Variants in ZBTB44 observed in about 807,000 individuals in gnomAD.
ZBTB44 encodes the protein zinc finger and BTB domain containing 44, also known as zinc finger and BTB domain-containing protein 44.
A neutral mutation model predicts 54.0 loss-of-function variants in ZBTB44; 15 were observed. The observed-to-expected ratio is 0.28, with a 90% CI of 0.19 to 0.43. The LOEUF (loss-of-function observed/expected upper bound fraction) is 0.43, where lower values mean the gene tolerates loss of function less well. Among genes scored for constraint, ZBTB44 ranks in the 20% least tolerant of loss-of-function variants. The probability of loss-of-function intolerance (pLI) is 1.00; values close to 1 mark genes in which losing one functional copy is unlikely to be tolerated. For synonymous variants in ZBTB44, 230 were observed against 250.1 expected (o/e 0.92, Z 0.76); for missense variants, 487 against 707.1 (o/e 0.69, Z 3.53).
chr11:130,236,336 A>G (rs1954109873), intron 5 of ZBTB44: 1 of 989,920 alleles, frequency 1.0e-6, no homozygotes, highest in Non-Finnish European at 1.3e-6. Context: ...GTTGCCTTTG[A>G]AATTTTTCTT....
rs1953854946 is a variant in ZBTB44, at chr11:130,230,946, T to A, written c.*818A>T. 6.6e-6 allele frequency: 1 copy of A among 152,132 alleles called. No individual in the cohort carries two copies. Among genetic ancestry groups the A allele is most frequent in the African/African-American group, 2.4e-5 (1 of 41,460 alleles). 9.4% of individuals were successfully genotyped at this position (152,132 alleles called of 1,614,324 possible). On this transcript the variant is annotated 3_prime_UTR_variant, in exon 8 of 8. Transcript: ENST00000357899. ...GAAAATAAAAGCTTGTACAAAATGC[T>A]TGGTTTTAAAAAGGCAATTTATTCT... is the stretch of plus-strand genomic sequence containing the variant.
intron 1 of ZBTB44, among the ~76,000 whole-genome samples, chr11:130,281,993 G>A (rs961117670): frequency 6.6e-6 from 1 of 152,160 alleles, no homozygotes; most frequent in East Asian, 1.9e-4. Flanking sequence ...CAAGGTTACA[G>A]TGGGCTATGA....
intron 1 of ZBTB44, among the ~76,000 whole-genome samples, chr11:130,283,035 CTTTTTTT>C (rs531030883): frequency 4.8e-4 from 49 of 102,412 alleles, no homozygotes; most frequent in Non-Finnish European, 7.3e-4. Flanking sequence ...CCATTCTAAC[CTTTTTTT>C]TTTTTTTTTT....
chr11:130,291,359 G>C (rs916665689), intron 1 of ZBTB44, among the ~76,000 whole-genome samples: 1 of 152,064 alleles, frequency 6.6e-6, no homozygotes, highest in Non-Finnish European at 1.5e-5. Context: ...GGCTGGTCTC[G>C]AGCTCCTGAC....
rs376595014 is a variant in ZBTB44, at chr11:130,239,776, C to A, written c.1103+36G>T. 134 of 1,554,088 alleles carry A rather than the reference C, an allele frequency of 8.6e-5. 1 individual carries two copies. In the African/African-American group the frequency reaches 1.6e-3, roughly 19 times the overall value. ...TTGAATTTGGAGTTGTAAACACAAC[C>A]CTTAAGAGGTAACGAAATGCTATGT... On this transcript the variant is annotated intron_variant, in intron 3 of 7. Coordinates refer to ENST00000357899, the MANE Select transcript of ZBTB44 (RefSeq NM_001301098.2).
At chr11:130,275,417 G>A (rs1000661795) in intron 1 of ZBTB44, among the ~76,000 whole-genome samples, 5 of 152,276 alleles carry the variant, frequency 3.3e-5, no homozygotes, top group African/African-American at 9.6e-5. Context: ...GGGCTCAAGC[G>A]ATTCTCCTGC....
intron 1 of ZBTB44, among the ~76,000 whole-genome samples, chr11:130,273,953 T>C (rs1939867754): frequency 7.4e-6 from 1 of 135,212 alleles, no homozygotes; most frequent in Non-Finnish European, 1.5e-5. Context: ...TTTGACGTGG[T>C]GGCACATGCC....
intron 1 of ZBTB44, among the ~76,000 whole-genome samples, chr11:130,294,749 A>G (rs1179748445): frequency 6.6e-6 from 1 of 152,162 alleles, no homozygotes; most frequent in Non-Finnish European, 1.5e-5. Flanking sequence ...GGTAGGCAAA[A>G]CAGGTTAATC....
intron 1 of ZBTB44, among the ~76,000 whole-genome samples, chr11:130,304,662 G>A (rs1288541130): frequency 1.3e-5 from 2 of 151,920 alleles, no homozygotes; most frequent in South Asian, 2.1e-4. Flanking sequence ...TACATATTCA[G>A]AGAAACTTCT....
At chr11:130,264,155 C>G (rs777814572) in intron 1 of ZBTB44, among the ~76,000 whole-genome samples, 29 of 152,162 alleles carry the variant, frequency 1.9e-4, no homozygotes, top group Non-Finnish European at 3.5e-4. Flanking sequence ...CACAACACAC[C>G]TCATAGAGTT....
At chr11:130,313,856 A>G (rs1438667450) in intron 1 of ZBTB44, among the ~76,000 whole-genome samples, 1 of 152,050 alleles carries the variant, frequency 6.6e-6, no homozygotes, top group African/African-American at 2.4e-5. Context: ...TGATTAGGCC[A>G]GCAATAAAAC....
intron 6 of ZBTB44, chr11:130,233,896 C>T (rs551993306): frequency 5.3e-5 from 57 of 1,074,804 alleles, no homozygotes; most frequent in Middle Eastern, 4.3e-4. Context: ...CCCTCCCACC[C>T]GGCTTTTTTT....
chr11:130,312,989 G>T (rs1000321559), intron 1 of ZBTB44, among the ~76,000 whole-genome samples: 1 of 152,044 alleles, frequency 6.6e-6, no homozygotes, highest in African/African-American at 2.4e-5. Flanking sequence ...CACTGAGTTG[G>T]TTATTCATTG....
At chr11:130,267,167 G>C (rs1372876135) in intron 1 of ZBTB44, among the ~76,000 whole-genome samples, 1 of 151,964 alleles carries the variant, frequency 6.6e-6, no homozygotes, top group Non-Finnish European at 1.5e-5. Context: ...AGGAGGCTGA[G>C]ACTGGAGGAC....
At chr11:130,264,034 C>T (rs955236904) in intron 1 of ZBTB44, among the ~76,000 whole-genome samples, 1 of 152,140 alleles carries the variant, frequency 6.6e-6, no homozygotes, top group Non-Finnish European at 1.5e-5. Context: ...ACTCTGGAGC[C>T]AGAATGCTCA....
At chr11:130,236,069 A>G in intron 5 of ZBTB44, 1 of 1,191,776 alleles carries the variant, frequency 8.4e-7, no homozygotes, top group Non-Finnish European at 1.1e-6. Flanking sequence ...CAACAGTTTT[A>G]TATCTAGAGA....
intron 3 of ZBTB44, 142 bp downstream of exon 3, chr11:130,239,670 G>T: frequency 1.6e-6 from 1 of 613,628 alleles, no homozygotes; most frequent in Non-Finnish European, 2.8e-6. Flanking sequence ...AATTTATAAT[G>T]TGATGATGCT....
intron 1 of ZBTB44, among the ~76,000 whole-genome samples, chr11:130,305,495 A>C (rs1026169981): frequency 2.6e-5 from 4 of 152,238 alleles, no homozygotes; most frequent in Non-Finnish European, 5.9e-5. Context: ...AAACAAAAAC[A>C]TAAAGTGGAG....
intron 2 of ZBTB44, 145 bp from the exon 3 acceptor site, chr11:130,240,041 A>ATTTTTT (rs11449622): frequency 1.6e-5 from 5 of 321,406 alleles, no homozygotes; most frequent in Admixed American, 4.9e-5. Context: ...AGTGTTCTAC[A>ATTTTTT]TTTTTTTTTT....
Sources: gnomAD v4.1 joint callset for allele counts (sites outside exome capture counted in the v4.1 genomes callset) on GRCh38, gnomAD v4.1.1 for gene constraint, MANE v1.5 for transcripts, NCBI Gene and HGNC (gene_info 2026-07-23, HGNC 2026-07-21) for gene names.